Variants in DYNC2H1 observed in about 807,000 individuals in gnomAD.
DYNC2H1 encodes the protein cytoplasmic dynein 2 heavy chain 1.
A neutral mutation model predicts 570.0 loss-of-function variants in DYNC2H1; 410 were observed. The ratio of observed to expected loss-of-function variants is 0.72; its 90% CI spans 0.66 to 0.78. The LOEUF is 0.78. Among genes scored for constraint, DYNC2H1 ranks in the 30% least tolerant of loss-of-function variants. The pLI is 0.00. For synonymous variants in DYNC2H1, 1,688 were observed against 1,677.6 expected, an observed-to-expected ratio of 1.01 and a Z score of -0.15; for missense variants, 4,865 against 5,046.4, an observed-to-expected ratio of 0.96 and a Z score of 1.09.
At chr11:103,427,269 C>A (rs1036168624) in intron 84 of DYNC2H1, among the ~76,000 whole-genome samples, 2 of 152,054 alleles carry the variant, frequency 1.3e-5, no homozygotes, top group Admixed American at 1.3e-4. Context: ...AATGTAATAG[C>A]ATGAAGACAT....
At chr11:103,431,870 T>G (rs1262716061) in intron 84 of DYNC2H1, among the ~76,000 whole-genome samples, 1 of 152,152 alleles carries the variant, frequency 6.6e-6, no homozygotes, top group Non-Finnish European at 1.5e-5. Flanking sequence ...AAGTATTGGT[T>G]GTTCAACTTG....
chr11:103,474,826 C>CATTGGGGCCTTGGAATGT (rs1945503797), intron 88 of DYNC2H1, among the ~76,000 whole-genome samples: 1 of 152,278 alleles, frequency 6.6e-6, no homozygotes, highest in Admixed American at 6.5e-5. Context: ...CTCAGGCATC[C>CATTGGGGCCTTGGAATGT]ATTGGGGCCT....
rs185068879 is a variant in DYNC2H1, at chr11:103,324,914, A to G, written c.12039+924A>G. On this transcript the variant is annotated intron_variant, in intron 82 of 88. Transcript: ENST00000375735. The surrounding 1 kb of genome is among the most constrained non-coding windows in gnomAD (Gnocchi z 5.2). ...TTTAATAATAGCCAGTCTGATGGGC[A>G]TGAGATGGTATCTCATTGTGGTTTT... 6.6e-6 allele frequency among the ~76,000 whole-genome samples: 1 copy of G among 152,290 alleles called. No homozygotes were observed. Among genetic ancestry groups the G allele is most frequent in the East Asian group, 1.9e-4 (1 of 5,182 alleles).
At chr11:103,460,883 G>A (rs1265611983) in intron 87 of DYNC2H1, among the ~76,000 whole-genome samples, 1 of 151,952 alleles carries the variant, frequency 6.6e-6, no homozygotes, top group Non-Finnish European at 1.5e-5. Context: ...ATATTTTATT[G>A]TTAAGAATTA....
intron 25 of DYNC2H1, among the ~76,000 whole-genome samples, chr11:103,156,176 T>A (rs1319047453): frequency 6.6e-6 from 1 of 151,864 alleles, no homozygotes; most frequent in Non-Finnish European, 1.5e-5. Context: ...ATTTTGACCA[T>A]GTGAACCAGG....
chr11:103,420,497 A>T (rs186082713), intron 84 of DYNC2H1, among the ~76,000 whole-genome samples: 1 of 152,296 alleles, frequency 6.6e-6, no homozygotes, highest in Admixed American at 6.5e-5. Flanking sequence ...CGTCACTCAC[A>T]AAGGGAAGCC....
chr11:103,468,752 C>G (rs1422748796), intron 88 of DYNC2H1, 47 bp downstream of exon 88: 1 of 1,383,706 alleles, frequency 7.2e-7, no homozygotes, highest in East Asian at 2.4e-5. Context: ...TCAGTTCTCT[C>G]TTAGATTTTA....
chr11:103,136,273 C>T (rs1859543637), intron 17 of DYNC2H1, among the ~76,000 whole-genome samples: 1 of 151,014 alleles, frequency 6.6e-6, no homozygotes, highest in Admixed American at 6.6e-5. Context: ...TACATGTGCA[C>T]AATGTGCAGG....
At position 103,316,557 on chromosome 11, in the gene DYNC2H1, TTTTATGAATTTTC is replaced by T; in HGVS notation, c.11668_11680del (p.Glu3890GlnfsTer38). ...TGTTTTTTGACAGGGTTGGACAAAG[TTTTATGAATTTTC>T]TTTATCAGATCTTCGGGCTGGGTAC... On this transcript the variant is annotated frameshift_variant, in exon 80 of 89. Transcript: ENST00000375735. LOFTEE classifies it high-confidence loss of function. 1 of 1,555,016 alleles carries T rather than the reference TTTTATGAATTTTC, an allele frequency of 6.4e-7. No homozygotes were observed. The highest frequency in any genetic ancestry group is 2.4e-5 in the East Asian group (1 of 41,870).
rs1034153701 is a variant in DYNC2H1, at chr11:103,479,779, T to C, written c.*526T>C. ...CATAATTATATACTTATAACTAATA[T>C]CTTAAGGTAATTCAAATAGGAATAA... On this transcript the variant is annotated 3_prime_UTR_variant, in exon 89 of 89. Transcript: ENST00000375735. 3.3e-5 allele frequency: 5 copies of C among 152,006 alleles called. No individual in the cohort carries two copies. The highest frequency in any genetic ancestry group is 7.4e-5 in the Non-Finnish European group (5 of 67,988). 9.4% of individuals were successfully genotyped at this position (152,006 alleles called of 1,614,324 possible). A position where few individuals can be genotyped will look rare whatever the true frequency, so the allele number is the denominator to read the frequency against.
rs1208541208 is a variant in DYNC2H1 at position 103,254,603 on chromosome 11, G to A, written c.10207-812G>A. The stretch of plus-strand genomic sequence containing the variant: ...TTTGAGAAACAAATCTTTCCAAAGT[G>A]GCTGCACTATTTACTTTCCCACCAG... On this transcript the variant is annotated intron_variant, in intron 66 of 88. Transcript: ENST00000375735. This position sits in a 1 kb window ranked among gnomAD's most constrained non-coding sequence, Gnocchi z 4.9. Among the ~76,000 whole-genome samples, 1 of 152,058 alleles carries A rather than the reference G, an allele frequency of 6.6e-6. No homozygotes were observed. Among genetic ancestry groups the A allele is most frequent in the Non-Finnish European group, 1.5e-5 (1 of 68,008 alleles).
chr11:103,263,022 CAAAAAAA>C (rs35912109), intron 70 of DYNC2H1, among the ~76,000 whole-genome samples: 4 of 39,968 alleles, frequency 1.0e-4, no homozygotes, highest in Middle Eastern at 0.031. Flanking sequence ...AAATGGAAAG[CAAAAAAA>C]AAAAAAAAAA....
In DYNC2H1 at chr11:103,157,489, G is replaced by A. The variant is rs1296382242; in HGVS notation, c.4127+719G>A. On this transcript the variant is annotated intron_variant, in intron 26 of 88. Coordinates refer to ENST00000375735, the MANE Select transcript of DYNC2H1 (RefSeq NM_001377.3). This position sits in a 1 kb window ranked among gnomAD's most constrained non-coding sequence, Gnocchi z 4.2. ...CAATAAATGGCCCAACCTAATTGCT[G>A]AAAGCAGAGACATGATGGATAACTT... Among the ~76,000 whole-genome samples, 1 of 152,204 alleles carries A rather than the reference G, an allele frequency of 6.6e-6. No homozygotes were observed. Among genetic ancestry groups the A allele is most frequent in the Non-Finnish European group, 1.5e-5 (1 of 68,030 alleles).
rs1864341367 is a variant in DYNC2H1, at chr11:103,239,403, C to T, written c.9819+2864C>T. On this transcript the variant is annotated intron_variant, in intron 63 of 88. Transcript: ENST00000375735. The surrounding 1 kb of genome is among the most constrained non-coding windows in gnomAD (Gnocchi z 4.3). ...AACAATAATCAATACTTGCGTATTACTTACCATGTTGTGCATATATTACTG... is the reference window on the plus strand; with the variant it reads ...AACAATAATCAATACTTGCGTATTATTTACCATGTTGTGCATATATTACTG... Among the ~76,000 whole-genome samples, 1 of 152,162 alleles carries T rather than the reference C, an allele frequency of 6.6e-6. No homozygotes were observed. Among genetic ancestry groups the T allele is most frequent in the South Asian group, 2.1e-4 (1 of 4,834 alleles).
At position 103,462,599 on chromosome 11, in the gene DYNC2H1, A is replaced by G. The variant is rs561605950; in HGVS notation, c.12649-5990A>G. ...CTGCAAAGAGGCTTCAATTAGGTCT[A>G]TTTAGTTACCTGGATATTATGAAAT... is the stretch of plus-strand genomic sequence containing the variant. On this transcript the variant is annotated intron_variant, in intron 87 of 88. Coordinates refer to ENST00000375735, the MANE Select transcript of DYNC2H1 (RefSeq NM_001377.3). 3.3e-5 allele frequency among the ~76,000 whole-genome samples: 5 copies of G among 152,310 alleles called. No homozygotes were observed. In the East Asian group the frequency reaches 5.8e-4, roughly 18 times the overall value.
intron 48 of DYNC2H1, among the ~76,000 whole-genome samples, chr11:103,198,799 C>A (rs1385752483): frequency 6.6e-6 from 1 of 152,118 alleles, no homozygotes; most frequent in East Asian, 1.9e-4. Context: ...GCTTTTGATT[C>A]ATTCCCAAGC....
intron 70 of DYNC2H1, among the ~76,000 whole-genome samples, chr11:103,279,212 A>G (rs1332445690): frequency 3.3e-5 from 5 of 152,186 alleles, no homozygotes; most frequent in Non-Finnish European, 7.4e-5. Flanking sequence ...ATGTTTTATT[A>G]TATTTTAATA....
At chr11:103,456,929 A>G (rs1944808325) in intron 87 of DYNC2H1, among the ~76,000 whole-genome samples, 1 of 152,242 alleles carries the variant, frequency 6.6e-6, no homozygotes, top group Non-Finnish European at 1.5e-5. Flanking sequence ...AACATAAGTG[A>G]ATTTGGTGTT....
At chr11:103,150,950 C>T (rs1190380038) in intron 20 of DYNC2H1, among the ~76,000 whole-genome samples, 1 of 152,146 alleles carries the variant, frequency 6.6e-6, no homozygotes, top group Non-Finnish European at 1.5e-5. Flanking sequence ...TATCAGGGAC[C>T]TTAGAATCTC....
Sources: gnomAD v4.1 joint callset for allele counts (sites outside exome capture counted in the v4.1 genomes callset) on GRCh38, gnomAD v4.1.1 for gene constraint, Gnocchi (gnomAD v3.1) non-coding constraint, MANE v1.5 for transcripts, NCBI Gene and HGNC (gene_info 2026-07-23, HGNC 2026-07-21) for gene names.